The following ALPK1 variants were observed in gnomAD, a reference collection of about 807,000 sequenced individuals.
The protein encoded by ALPK1 is alpha-protein kinase 1.
In ALPK1, 110 loss-of-function variants were observed where a neutral mutation model predicts 120.6. The ratio of observed to expected loss-of-function variants is 0.91; its 90% CI spans 0.78 to 1.07. ALPK1 has a LOEUF of 1.07. ALPK1 is among the 50% of genes least tolerant of loss of function. The probability of loss-of-function intolerance (pLI) is 0.00; values close to 1 mark genes in which losing one functional copy is unlikely to be tolerated. For synonymous variants in ALPK1, 582 were observed against 560.3 expected (o/e 1.04, Z -0.55); for missense variants, 1,498 against 1,483.9 (o/e 1.01, Z -0.16).
chr4:112,357,134 G>A, intron 2 of ALPK1: 5 of 1,337,830 alleles, frequency 3.7e-6, no homozygotes, highest in Non-Finnish European at 5.3e-6. Context: ...TGAGCTGCCT[G>A]GAGATGACAG....
At chr4:112,307,393 T>C (rs184695849) in intron 1 of ALPK1, among the ~76,000 whole-genome samples, 360 of 152,206 alleles carry the variant, frequency 2.4e-3, no homozygotes, top group Middle Eastern at 3.4e-3. Context: ...TCTAAGTCTC[T>C]TTGTAGGTCT....
At chr4:112,389,248 T>C (rs1732293070) in intron 4 of ALPK1, among the ~76,000 whole-genome samples, 1 of 152,170 alleles carries the variant, frequency 6.6e-6, no homozygotes, top group African/African-American at 2.4e-5. Flanking sequence ...TTTCACCATG[T>C]TGGCCAGGAT....
intron 1 of ALPK1, among the ~76,000 whole-genome samples, chr4:112,303,629 G>A (rs924325698): frequency 6.6e-6 from 1 of 152,014 alleles, no homozygotes; most frequent in Non-Finnish European, 1.5e-5. Flanking sequence ...ATTTGTATCA[G>A]ATCATGCTGT....
chr4:112,373,586 A>T (rs980098733), intron 2 of ALPK1, among the ~76,000 whole-genome samples: 1 of 152,244 alleles, frequency 6.6e-6, no homozygotes, highest in Non-Finnish European at 1.5e-5. Flanking sequence ...AGAAGCAAGT[A>T]TCACAATAAA....
In ALPK1 at chr4:112,438,527, C is replaced by G. The variant is rs752769052; in HGVS notation, c.3232C>G (p.His1078Asp). 20 of 1,613,794 alleles carry G rather than the reference C, an allele frequency of 1.2e-5. No homozygotes were observed. In the South Asian group the frequency reaches 2.0e-4, roughly 16 times the overall value. ...DYKEQKGLWH[H>D]FTDVERQMTA... is the part of the protein sequence containing the mutation. ...TAAGGAGCAGAAGGGGCTCTGGCAC[C>G]ACTTCACTGATGTGGAGCGACAGAT... is the stretch of plus-strand genomic sequence containing the variant. The change falls in exon 13 of 16, where the codon CAC becomes GAC. Residue 1078 changes from histidine to aspartate, a missense_variant. Physicochemically the swap from His to Asp is moderately conservative, Grantham distance 81. Coordinates refer to ENST00000650871, the MANE Select transcript of ALPK1 (RefSeq NM_025144.4).
At chr4:112,314,121 A>T (rs547971919) in intron 1 of ALPK1, among the ~76,000 whole-genome samples, 1 of 152,192 alleles carries the variant, frequency 6.6e-6, no homozygotes, top group Non-Finnish European at 1.5e-5. Context: ...GCTTGGTTTT[A>T]GATAAGAGCA....
intron 2 of ALPK1, among the ~76,000 whole-genome samples, chr4:112,369,494 C>A (rs1731300894): frequency 6.6e-6 from 1 of 152,036 alleles, no homozygotes; most frequent in African/African-American, 2.4e-5. Flanking sequence ...CCTATAGAAA[C>A]AATATGAGAA....
intron 4 of ALPK1, among the ~76,000 whole-genome samples, chr4:112,386,970 G>A (rs1478972722): frequency 6.6e-6 from 1 of 152,164 alleles, no homozygotes; most frequent in Non-Finnish European, 1.5e-5. Flanking sequence ...TTCAAGTGTC[G>A]GAGAAGGGCA....
chr4:112,421,163 G>C, intron 5 of ALPK1, among the ~76,000 whole-genome samples: 1 of 152,036 alleles, frequency 6.6e-6, no homozygotes, highest in Non-Finnish European at 1.5e-5. Context: ...ACATCTCAGC[G>C]TACTCCATGC....
At chr4:112,322,800 TTA>T (rs2110547281) in intron 2 of ALPK1, among the ~76,000 whole-genome samples, 1 of 152,334 alleles carries the variant, frequency 6.6e-6, no homozygotes, top group Non-Finnish European at 1.5e-5. Flanking sequence ...TAATACCCAT[TTA>T]TGTCATTTAT....
In ALPK1 at chr4:112,432,213, A is replaced by C; in HGVS notation, c.2666A>C (p.Asn889Thr). The part of the protein sequence containing the change: ...QPPGQRAETP[N>T]SSVSGNILFP... Reference sequence around the variant, plus strand: ...CCTGGTCAGAGGGCGGAGACCCCCAATTCCTCTGTAAGCGGTAACATCCTC... The same window carrying C: ...CCTGGTCAGAGGGCGGAGACCCCCACTTCCTCTGTAAGCGGTAACATCCTC... The change falls in exon 11 of 16, where the codon AAT becomes ACT. Residue 889 changes from asparagine (N) to threonine (T), a missense_variant. Transcript: ENST00000650871. 2 of 1,614,190 alleles carry C rather than the reference A, an allele frequency of 1.2e-6. No homozygotes were observed. Among genetic ancestry groups the C allele is most frequent in the Non-Finnish European group, 1.7e-6 (2 of 1,180,036 alleles).
Position 112,441,249 on chromosome 4 carries a change from C to A in ALPK1, c.*39C>A. 1.5e-6 allele frequency: 2 copies of A among 1,349,202 alleles called. No homozygotes were observed. Among genetic ancestry groups the A allele is most frequent in the South Asian group, 1.2e-5 (1 of 85,990 alleles). The allele number at this position is 1,349,202 out of a possible 1,614,324, so 83.6% of individuals were successfully genotyped here. Reference sequence around the variant, plus strand: ...CTGGTCCTTTGGGGCTTGGGCAGGGCCGTGACACAGGTTCTGGCCAATGAT... The same window carrying A: ...CTGGTCCTTTGGGGCTTGGGCAGGGACGTGACACAGGTTCTGGCCAATGAT... On this transcript the variant is annotated 3_prime_UTR_variant, in exon 16 of 16. Coordinates refer to ENST00000650871, the MANE Select transcript of ALPK1 (RefSeq NM_025144.4).
chr4:112,339,624 A>G (rs1729772411), intron 2 of ALPK1, among the ~76,000 whole-genome samples: 1 of 152,186 alleles, frequency 6.6e-6, no homozygotes, highest in Admixed American at 6.5e-5. Flanking sequence ...AAAAAAATAC[A>G]TTTTCTGCAA....
chr4:112,356,997 C>A (rs1730656596), intron 2 of ALPK1: 1 of 775,674 alleles, frequency 1.3e-6, no homozygotes, highest in South Asian at 1.4e-5. Context: ...ATCAAGGTGG[C>A]ACAGCAGGGC....
At chr4:112,306,358 C>T (rs894724074) in intron 1 of ALPK1, among the ~76,000 whole-genome samples, 8 of 151,702 alleles carry the variant, frequency 5.3e-5, no homozygotes, top group African/African-American at 1.7e-4. Context: ...GGTAGAATTC[C>T]GCTGTGAATC....
chr4:112,379,262 T>A (rs971616509), intron 3 of ALPK1, among the ~76,000 whole-genome samples: 1 of 152,196 alleles, frequency 6.6e-6, no homozygotes, highest in East Asian at 1.9e-4. Flanking sequence ...GAAGAAGTAA[T>A]CAGTTTAGTT....
At chr4:112,402,600 G>GA (rs1253560196) in intron 4 of ALPK1, among the ~76,000 whole-genome samples, 1 of 152,136 alleles carries the variant, frequency 6.6e-6, no homozygotes, top group Admixed American at 6.5e-5. Flanking sequence ...AAACAGATGT[G>GA]AAAAAACAAC....
At chr4:112,375,810 A>G (rs1343133647) in intron 2 of ALPK1, among the ~76,000 whole-genome samples, 1 of 150,256 alleles carries the variant, frequency 6.7e-6, no homozygotes. Context: ...CTTTTGGCCT[A>G]TCTTGACTTT....
intron 4 of ALPK1, among the ~76,000 whole-genome samples, chr4:112,396,941 A>AT (rs531787888): frequency 1.3e-4 from 20 of 151,892 alleles, no homozygotes; most frequent in African/African-American, 3.9e-4. Flanking sequence ...CCACACCCAG[A>AT]TTTTTTTTGT....
Sources: gnomAD v4.1 joint callset for allele counts (sites outside exome capture counted in the v4.1 genomes callset) on GRCh38, gnomAD v4.1.1 for gene constraint, MANE v1.5 for transcripts, NCBI Gene and HGNC (gene_info 2026-07-23, HGNC 2026-07-21) for gene names.